The following BLOC1S5 variants were observed in gnomAD, a reference collection of about 807,000 sequenced individuals.
BLOC1S5 encodes biogenesis of lysosome-related organelles complex 1 subunit 5.
BLOC1S5 carries 27 observed loss-of-function variants against 24.3 expected under a neutral mutation model. The observed-to-expected ratio is 1.11, with a 90% CI of 0.82 to 1.53. BLOC1S5 has a LOEUF of 1.53. Among genes scored for constraint, BLOC1S5 ranks in the 40% most tolerant of loss-of-function variants. The pLI, the probability that BLOC1S5 is intolerant of heterozygous loss-of-function variation, is 0.00. For missense variants in BLOC1S5, 239 were observed against 229.4 expected, an observed-to-expected ratio of 1.04 and a Z score of -0.27; for synonymous variants, 84 against 74.5, an observed-to-expected ratio of 1.13 and a Z score of -0.66.
chr6:8,042,878 T>A (rs905046536), intron 2 of BLOC1S5, among the ~76,000 whole-genome samples: 1 of 152,188 alleles, frequency 6.6e-6, no homozygotes, highest in African/African-American at 2.4e-5. Context: ...ACTCCTAGGC[T>A]CAGGCAAGCT....
chr6:8,054,313 C>G (rs1764240129), intron 2 of BLOC1S5: 2 of 446,138 alleles, frequency 4.5e-6, no homozygotes, highest in South Asian at 3.2e-5. Flanking sequence ...TCTTCACCGT[C>G]AGAACACACA....
intron 3 of BLOC1S5, 149 bp downstream of exon 3, chr6:8,040,990 G>T: frequency 2.7e-6 from 2 of 728,986 alleles, no homozygotes; most frequent in Admixed American, 3.3e-5. Context: ...TTAATTAATG[G>T]CAACACACAT....
At chr6:8,037,630 T>G (rs1274052721) in intron 3 of BLOC1S5, among the ~76,000 whole-genome samples, 1 of 152,128 alleles carries the variant, frequency 6.6e-6, no homozygotes, top group Non-Finnish European at 1.5e-5. Context: ...ATCCTAAAAT[T>G]TATACAGAAT....
chr6:8,021,597 C>T (rs1762918083), intron 4 of BLOC1S5, among the ~76,000 whole-genome samples: 2 of 151,812 alleles, frequency 1.3e-5, no homozygotes, highest in Non-Finnish European at 2.9e-5. Context: ...AAAACTCCAT[C>T]TCAAAAAAAT....
intron 2 of BLOC1S5, among the ~76,000 whole-genome samples, chr6:8,052,111 C>A (rs926742171): frequency 5.9e-5 from 9 of 151,648 alleles, no homozygotes; most frequent in South Asian, 2.1e-4. Flanking sequence ...GGATTACAGG[C>A]GCCCGCCACC....
intron 2 of BLOC1S5, among the ~76,000 whole-genome samples, chr6:8,055,731 G>C (rs1764283158): frequency 6.6e-6 from 1 of 152,006 alleles, no homozygotes; most frequent in South Asian, 2.1e-4. Context: ...TTTTGGTTTG[G>C]GAGTTCCAAA....
intron 3 of BLOC1S5, chr6:8,027,194 T>C: frequency 3.2e-6 from 1 of 314,864 alleles, no homozygotes; most frequent in Admixed American, 4.1e-5. Context: ...TGTTCATAAA[T>C]GTTCTTACTT....
intron 2 of BLOC1S5, among the ~76,000 whole-genome samples, chr6:8,060,182 T>C (rs1195619454): frequency 2.0e-5 from 3 of 152,210 alleles, no homozygotes; most frequent in Non-Finnish European, 2.9e-5. Context: ...ATACTTAACC[T>C]GCAATCTAAA....
intron 3 of BLOC1S5, among the ~76,000 whole-genome samples, chr6:8,029,790 GT>G (rs144032264): frequency 0.039 from 5,958 of 152,270 alleles, 372 homozygotes; most frequent in African/African-American, 0.13. Flanking sequence ...GCAGACTTGG[GT>G]TTAAGGTGCA....
chr6:8,024,169 A>G (rs551121302), intron 4 of BLOC1S5, among the ~76,000 whole-genome samples: 1 of 152,026 alleles, frequency 6.6e-6, no homozygotes, highest in African/African-American at 2.4e-5. Flanking sequence ...TTAAAATACT[A>G]ATTTTTAATA....
intron 3 of BLOC1S5, among the ~76,000 whole-genome samples, chr6:8,037,572 T>C (rs944864425): frequency 6.6e-6 from 1 of 152,042 alleles, no homozygotes; most frequent in African/African-American, 2.4e-5. Flanking sequence ...CTCAATGCAA[T>C]CCCTATCAAA....
At chr6:8,029,300 C>A (rs748441739) in intron 3 of BLOC1S5, among the ~76,000 whole-genome samples, 1 of 152,186 alleles carries the variant, frequency 6.6e-6, no homozygotes, top group African/African-American at 2.4e-5. Flanking sequence ...TGAAAACACT[C>A]TGAGGAGACA....
chr6:8,026,361 T>G lies in BLOC1S5; in HGVS notation c.384+6A>C, dbSNP rs1561857023. The G allele has an allele frequency of 6.3e-7, 1 of 1,595,988 alleles. No individual in the cohort carries two copies. The highest frequency in any genetic ancestry group is 1.7e-5 in the Admixed American group (1 of 59,956). ...TATATGCCTCATTATCTAAATGATC[T>G]TTTACCTTTTTTCGTTCCTGTTCCC... On this transcript the variant is annotated splice_donor_region_variant and intron_variant, in intron 4 of 4. Transcript: ENST00000397457.
Position 8,041,138 on chromosome 6 carries a change from C to T in BLOC1S5, c.325+1G>A. The T allele has an allele frequency of 1.3e-6, 2 of 1,573,682 alleles. No homozygotes were observed. The highest frequency in any genetic ancestry group is 1.2e-5 in the South Asian group (1 of 83,904). The stretch of plus-strand genomic sequence containing the variant: ...CAATTAAAAAAGAATTGCTGACTCA[C>T]ATCTCTGGAGAACCTGGCTGAGGCT... On this transcript the variant is annotated splice_donor_variant, in intron 3 of 4. Coordinates refer to ENST00000397457, the MANE Select transcript of BLOC1S5 (RefSeq NM_201280.3). LOFTEE classifies it high-confidence loss of function.
chr6:8,034,180 G>A (rs911714196), intron 3 of BLOC1S5, among the ~76,000 whole-genome samples: 15 of 152,280 alleles, frequency 9.9e-5, no homozygotes, highest in East Asian at 1.9e-4. Context: ...ATATGCACAC[G>A]TATGTTTATT....
intron 3 of BLOC1S5, chr6:8,027,346 T>C (rs1458796316): frequency 2.2e-6 from 1 of 456,740 alleles, no homozygotes; most frequent in South Asian, 1.5e-5. Flanking sequence ...ATGTGCTTTG[T>C]GCCAGGCACT....
chr6:8,027,903 G>T (rs7743623), intron 3 of BLOC1S5, among the ~76,000 whole-genome samples: 1 of 151,320 alleles, frequency 6.6e-6, no homozygotes, highest in Non-Finnish European at 1.5e-5. Flanking sequence ...TATCCCTAAA[G>T]AAAATCCTTT....
intron 2 of BLOC1S5, among the ~76,000 whole-genome samples, chr6:8,051,044 T>C (rs1764089899): frequency 6.6e-6 from 1 of 151,896 alleles, no homozygotes; most frequent in Non-Finnish European, 1.5e-5. Flanking sequence ...AAAAATCAGC[T>C]GAGCAGGGTG....
At chr6:8,024,636 A>G (rs1763048079) in intron 4 of BLOC1S5, among the ~76,000 whole-genome samples, 1 of 152,028 alleles carries the variant, frequency 6.6e-6, no homozygotes, top group Admixed American at 6.6e-5. Flanking sequence ...CAAAATCATC[A>G]ATGGGAAGGA....
Sources: allele counts gnomAD v4.1 joint callset (sites outside exome capture counted in the v4.1 genomes callset), GRCh38; gene constraint gnomAD v4.1.1; transcripts MANE v1.5; gene names NCBI Gene and HGNC (gene_info 2026-07-23, HGNC 2026-07-21).